Variants in TMEM163 observed in about 807,000 individuals in gnomAD.
The protein encoded by TMEM163 is transmembrane protein 163.
A neutral mutation model predicts 29.3 loss-of-function variants in TMEM163; 17 were observed. The observed-to-expected ratio is 0.58, with a 90% CI of 0.40 to 0.87. The LOEUF (loss-of-function observed/expected upper bound fraction) is 0.87, where lower values mean the gene tolerates loss of function less well. TMEM163 is among the 40% of genes least tolerant of loss of function. The probability of loss-of-function intolerance (pLI) is 0.00; values close to 1 mark genes in which losing one functional copy is unlikely to be tolerated. For missense variants in TMEM163, 303 were observed against 381.5 expected (o/e 0.79, Z 1.71); for synonymous variants, 157 against 160.6 (o/e 0.98, Z 0.17).
intron 2 of TMEM163, among the ~76,000 whole-genome samples, chr2:134,585,193 G>T (rs1396299392): frequency 6.6e-6 from 1 of 152,100 alleles, no homozygotes; most frequent in African/African-American, 2.4e-5. Flanking sequence ...TAGAGACAGG[G>T]TCTCACTGTG....
intron 2 of TMEM163, among the ~76,000 whole-genome samples, chr2:134,621,253 C>A (rs1376042103): frequency 6.6e-6 from 1 of 152,062 alleles, no homozygotes; most frequent in African/African-American, 2.4e-5. Context: ...GTCATTAGGG[C>A]AATACAAATG....
At chr2:134,501,026 GA>G (rs770783924) in intron 5 of TMEM163, among the ~76,000 whole-genome samples, 6 of 152,134 alleles carry the variant, frequency 3.9e-5, no homozygotes, top group Non-Finnish European at 7.4e-5. Flanking sequence ...ATAAATGTTT[GA>G]GATAATGGAT....
intron 5 of TMEM163, chr2:134,469,324 A>G (rs1441180199): frequency 6.6e-6 from 1 of 152,118 alleles, no homozygotes; most frequent in Admixed American, 6.5e-5. Flanking sequence ...CTGGAGCGAA[A>G]AAGTAGAAGC....
chr2:134,511,455 C>T (rs1438265142), intron 4 of TMEM163, among the ~76,000 whole-genome samples: 3 of 152,236 alleles, frequency 2.0e-5, no homozygotes, highest in African/African-American at 4.8e-5. Flanking sequence ...GAGACGCAAC[C>T]TGACTCACAT....
chr2:134,461,720 T>C (rs922847382), intron 6 of TMEM163, among the ~76,000 whole-genome samples: 3 of 152,158 alleles, frequency 2.0e-5, no homozygotes, highest in African/African-American at 7.2e-5. Context: ...AAGATCTGCC[T>C]CCCAGCTGTA....
At chr2:134,474,854 T>C (rs1686880397) in intron 5 of TMEM163, among the ~76,000 whole-genome samples, 1 of 152,130 alleles carries the variant, frequency 6.6e-6, no homozygotes. Context: ...AATTAAAAGA[T>C]TTTAGTACAT....
intron 4 of TMEM163, among the ~76,000 whole-genome samples, chr2:134,541,358 A>G (rs993768217): frequency 1.3e-5 from 2 of 152,264 alleles, no homozygotes; most frequent in African/African-American, 4.8e-5. Flanking sequence ...AAAGGAGAAT[A>G]AACATTTTCA....
At chr2:134,625,734 G>A (rs926177575) in intron 2 of TMEM163, among the ~76,000 whole-genome samples, 2 of 152,192 alleles carry the variant, frequency 1.3e-5, no homozygotes, top group African/African-American at 4.8e-5. Context: ...GTACAAAAGG[G>A]ACTACGACAC....
chr2:134,609,831 C>T (rs1190077003), intron 2 of TMEM163, among the ~76,000 whole-genome samples: 6 of 142,266 alleles, frequency 4.2e-5, no homozygotes, highest in African/African-American at 5.4e-5. Context: ...GGACAGATCC[C>T]GAGAACTGTA....
At chr2:134,459,626 C>G (rs1276916168) in intron 6 of TMEM163, among the ~76,000 whole-genome samples, 1 of 152,028 alleles carries the variant, frequency 6.6e-6, no homozygotes, top group African/African-American at 2.4e-5. Context: ...ACTCACACCC[C>G]CCTTCTGCCC....
At chr2:134,552,938 G>A (rs942943514) in intron 2 of TMEM163, among the ~76,000 whole-genome samples, 1 of 152,106 alleles carries the variant, frequency 6.6e-6, no homozygotes, top group Non-Finnish European at 1.5e-5. Flanking sequence ...GGGATTACAG[G>A]TGTGAGCCAC....
chr2:134,688,195 C>T (rs1302260588), intron 2 of TMEM163, among the ~76,000 whole-genome samples: 1 of 152,196 alleles, frequency 6.6e-6, no homozygotes, highest in African/African-American at 2.4e-5. Flanking sequence ...GCAGGAGCTT[C>T]TCACTGGTTC....
chr2:134,639,760 CT>C (rs1357072657), intron 2 of TMEM163, among the ~76,000 whole-genome samples: 2 of 152,168 alleles, frequency 1.3e-5, no homozygotes, highest in Non-Finnish European at 2.9e-5. Flanking sequence ...GTATTAGATA[CT>C]TTTCAAACCA....
intron 4 of TMEM163, among the ~76,000 whole-genome samples, chr2:134,505,583 A>G (rs1474457333): frequency 1.3e-5 from 2 of 152,168 alleles, no homozygotes; most frequent in Non-Finnish European, 2.9e-5. Context: ...TAGGGCAGCC[A>G]CAACTTGCGT....
intron 2 of TMEM163, among the ~76,000 whole-genome samples, chr2:134,560,858 A>G (rs958501696): frequency 2.0e-5 from 3 of 152,236 alleles, no homozygotes; most frequent in Non-Finnish European, 4.4e-5. Context: ...TTCCTGGGAC[A>G]TGGGCAGGAT....
At chr2:134,469,681 C>T (rs984162443) in intron 5 of TMEM163, 4 of 152,424 alleles carry the variant, frequency 2.6e-5, no homozygotes, top group East Asian at 1.9e-4. Flanking sequence ...GGGGCCGCAC[C>T]GAGCCCATGG....
chr2:134,606,470 C>A (rs1036896487), intron 2 of TMEM163, among the ~76,000 whole-genome samples: 1 of 152,200 alleles, frequency 6.6e-6, no homozygotes, highest in Non-Finnish European at 1.5e-5. Flanking sequence ...GACTCAAAAT[C>A]CCCTCCTCTT....
chr2:134,596,588 C>T (rs548788470), intron 2 of TMEM163, among the ~76,000 whole-genome samples: 1 of 152,302 alleles, frequency 6.6e-6, no homozygotes, highest in East Asian at 1.9e-4. Flanking sequence ...ATTGACTTGG[C>T]AATGCGAGCT....
chr2:134,578,530 T>C (rs1681614603), intron 2 of TMEM163, among the ~76,000 whole-genome samples: 1 of 152,206 alleles, frequency 6.6e-6, no homozygotes, highest in African/African-American at 2.4e-5. Flanking sequence ...TAATGTTGCA[T>C]GCAGCCATTT....
Sources: gnomAD v4.1 joint callset for allele counts (sites outside exome capture counted in the v4.1 genomes callset) on GRCh38, gnomAD v4.1.1 for gene constraint, MANE v1.5 for transcripts, NCBI Gene and HGNC (gene_info 2026-07-23, HGNC 2026-07-21) for gene names.